CRMP1: variants seen among roughly 807,000 people sequenced by gnomAD.
CRMP1 encodes the protein collapsin response mediator protein 1.
In CRMP1, 19 loss-of-function variants were observed where a neutral mutation model predicts 68.3. The observed-to-expected ratio is 0.28, with a 90% confidence interval of 0.19 to 0.41. The LOEUF is 0.41. Ranked by LOEUF, CRMP1 falls within the 10% of genes least tolerant of loss-of-function variation. The pLI, the probability that CRMP1 is intolerant of heterozygous loss-of-function variation, is 1.00. For missense variants in CRMP1, 791 were observed against 967.4 expected (o/e 0.82, Z 2.42); for synonymous variants, 439 against 399.6 (o/e 1.10, Z -1.18).
At chr4:5,832,301 C>T (rs184948615) in intron 11 of CRMP1, among the ~76,000 whole-genome samples, 75 of 152,256 alleles carry the variant, frequency 4.9e-4, no homozygotes, top group African/African-American at 1.6e-3. Flanking sequence ...TTCAAAATGG[C>T]AACACTTATG....
rs1715904087 is a variant in CRMP1, at chr4:5,890,728, G to GC, written c.381+1860dup. ...AGGAACGGGAGAGGTGAAGCGACCA[G>GC]CGTCCCCAAGGGTCAGGGCGCAGCT... On this transcript the variant is annotated intron_variant, in intron 1 of 13. Coordinates refer to ENST00000324989, the MANE Select transcript of CRMP1 (RefSeq NM_001014809.3). This position sits in a 1 kb window ranked among gnomAD's most constrained non-coding sequence, Gnocchi z 5.5. Among the ~76,000 whole-genome samples, 1 of 152,156 alleles carries GC rather than the reference G, an allele frequency of 6.6e-6. No homozygotes were observed. Among genetic ancestry groups the GC allele is most frequent in the South Asian group, 2.1e-4 (1 of 4,830 alleles).
rs113231255 is a variant in CRMP1, at chr4:5,879,855, CAAA to C, written c.381+12731_381+12733del. Among the ~76,000 whole-genome samples, 1 of 136,120 alleles carries C rather than the reference CAAA, an allele frequency of 7.3e-6. No individual in the cohort carries two copies. Among genetic ancestry groups the C allele is most frequent in the African/African-American group, 2.6e-5 (1 of 37,854 alleles). 89.3% of individuals were successfully genotyped at this position (136,120 alleles called of 152,430 possible). On this transcript the variant is annotated intron_variant, in intron 1 of 13. Coordinates refer to ENST00000324989, the MANE Select transcript of CRMP1 (RefSeq NM_001014809.3). This position sits in a 1 kb window ranked among gnomAD's most constrained non-coding sequence, Gnocchi z 4.2. ...CTGCATGTTCAGAAATAAAATATAG[CAAA>C]AAAAAAAATGAGACGAAAGGAAAGG...
chr4:5,821,804 C>A lies in CRMP1; in HGVS notation c.2017G>T (p.Val673Leu). Residue 673 changes from valine to leucine, a missense_variant, in exon 14 of 14, where the codon GTG (valine) becomes TTG (leucine). Physicochemically the swap from Val to Leu is conservative, Grantham distance 32. Around this residue, in one of 3 missense-constraint regions of CRMP1, gnomAD observed 594 missense variants for 763.6 expected, o/e 0.78. Coordinates refer to ENST00000324989, the MANE Select transcript of CRMP1 (RefSeq NM_001014809.3). The surrounding 1 kb of genome is among the most constrained non-coding windows in gnomAD (Gnocchi z 4.4). ...NNPRRTGHRI[V>L]APPGGRSNIT... ...TTGGAGCGGCCACCAGGGGGCGCCA[C>A]GATGCGGTGGCCGGTGCGCCTGGGA... 1 of 1,611,598 alleles carries A rather than the reference C, an allele frequency of 6.2e-7. No homozygotes were observed. Among genetic ancestry groups the A allele is most frequent in the Non-Finnish European group, 8.5e-7 (1 of 1,179,234 alleles).
chr4:5,835,955 G>T lies in CRMP1; in HGVS notation c.1583C>A (p.Pro528His). Residue 528 changes from proline to histidine, a missense_variant, in exon 11 of 14, where the codon CCC becomes CAC. Coordinates refer to ENST00000324989, the MANE Select transcript of CRMP1 (RefSeq NM_001014809.3). Reference sequence around the variant, plus strand: ...GGCTGTTATGGTCTTCAACTTGTCGGGGTCCCAGATGACCACGTCGGCATC... The same window carrying T: ...GGCTGTTATGGTCTTCAACTTGTCGTGGTCCCAGATGACCACGTCGGCATC... The part of the protein sequence containing the change: ...GSDADVVIWD[P>H]DKLKTITAKS... The T allele has an allele frequency of 6.3e-7, 1 of 1,585,450 alleles. No homozygotes were observed. The highest frequency in any genetic ancestry group is 1.2e-5 in the South Asian group (1 of 85,290).
In CRMP1 at chr4:5,825,536, G is replaced by A. The variant is rs1309653303; in HGVS notation, c.1927C>T (p.Pro643Ser). 1.9e-6 allele frequency: 3 copies of A among 1,589,120 alleles called. 1 individual carries two copies. In the Admixed American group the frequency reaches 5.6e-5, roughly 30 times the overall value. Residue 643 changes from proline (P) to serine (S), a missense_variant, in exon 13 of 14, where the codon CCA (proline) becomes TCA (serine). Pro to Ser is a moderately conservative substitution (Grantham distance 74). Coordinates refer to ENST00000324989, the MANE Select transcript of CRMP1 (RefSeq NM_001014809.3). This position sits in a 1 kb window ranked among gnomAD's most constrained non-coding sequence, Gnocchi z 4.4. ...AKSSPSKHQP[P>S]PIRNLHQSNF... ...GACTGGTGGAGGTTTCTGATGGGTGGGGGCTGGTGTTTAGAAGGCGAAGAT... is the reference window on the plus strand; with the variant it reads ...GACTGGTGGAGGTTTCTGATGGGTGAGGGCTGGTGTTTAGAAGGCGAAGAT...
intron 5 of CRMP1, 88 bp downstream of exon 5, chr4:5,851,320 A>G (rs1036682722): frequency 1.0e-5 from 12 of 1,192,234 alleles, no homozygotes; most frequent in African/African-American, 3.0e-5. Context: ...GCTTCTCACA[A>G]TCTCCCTTGC....
chr4:5,833,066 C>T (rs1720486439), intron 11 of CRMP1, among the ~76,000 whole-genome samples: 1 of 152,002 alleles, frequency 6.6e-6, no homozygotes, highest in African/African-American at 2.4e-5. Flanking sequence ...ACGTCAGACG[C>T]TAGAAGAGTG....
chr4:5,892,160 T>C lies in CRMP1; in HGVS notation c.381+429A>G, dbSNP rs1209965010. Among the ~76,000 whole-genome samples the C allele has an allele frequency of 6.6e-6, 1 of 151,784 alleles. No individual in the cohort carries two copies. The highest frequency in any genetic ancestry group is 1.5e-5 in the Non-Finnish European group (1 of 67,962). ...CGGCACACAGTAGGTGCTCTATAAT[T>C]ACTACCGACTGAGTGGATGGATGAA... On this transcript the variant is annotated intron_variant, in intron 1 of 13. Transcript: ENST00000324989. This position sits in a 1 kb window ranked among gnomAD's most constrained non-coding sequence, Gnocchi z 8.6.
intron 13 of CRMP1, among the ~76,000 whole-genome samples, chr4:5,822,183 A>C (rs1432374579): frequency 6.6e-6 from 1 of 152,210 alleles, no homozygotes; most frequent in Non-Finnish European, 1.5e-5. Flanking sequence ...GTGCTTTAAC[A>C]TGTTACTGCA....
chr4:5,825,942 G>A lies in CRMP1; in HGVS notation c.1804-283C>T. On this transcript the variant is annotated intron_variant, in intron 12 of 13. Coordinates refer to ENST00000324989, the MANE Select transcript of CRMP1 (RefSeq NM_001014809.3). This position sits in a 1 kb window ranked among gnomAD's most constrained non-coding sequence, Gnocchi z 4.4. ...CACGCACTCACATACATGCAGTCAT[G>A]CACACATATATGCATGCACATGCAG... The A allele has an allele frequency of 2.1e-6, 1 of 473,164 alleles. No individual in the cohort carries two copies. Among genetic ancestry groups the A allele is most frequent in the East Asian group, 4.2e-5 (1 of 23,862 alleles). 29.3% of individuals were successfully genotyped at this position (473,164 alleles called of 1,614,324 possible).
In CRMP1 at chr4:5,889,487, A is replaced by T; in HGVS notation, c.381+3102T>A. Reference sequence around the variant, plus strand: ...TTGCTCCAGAGGGAGGTGGGCAGGAAGCCAGGTCACAGCTTGACAAGGTCC... The same window carrying T: ...TTGCTCCAGAGGGAGGTGGGCAGGATGCCAGGTCACAGCTTGACAAGGTCC... On this transcript the variant is annotated intron_variant, in intron 1 of 13. Transcript: ENST00000324989. This position sits in a 1 kb window ranked among gnomAD's most constrained non-coding sequence, Gnocchi z 4.5. 1.4e-6 allele frequency: 2 copies of T among 1,390,364 alleles called. No homozygotes were observed. Among genetic ancestry groups the T allele is most frequent in the Non-Finnish European group, 2.0e-6 (2 of 1,019,974 alleles). 86.1% of individuals were successfully genotyped at this position (1,390,364 alleles called of 1,614,324 possible).
chr4:5,853,589 G>A lies in CRMP1; in HGVS notation c.821-2120C>T, dbSNP rs545494199. On this transcript the variant is annotated intron_variant, in intron 4 of 13. Coordinates refer to ENST00000324989, the MANE Select transcript of CRMP1 (RefSeq NM_001014809.3). The surrounding 1 kb of genome is among the most constrained non-coding windows in gnomAD (Gnocchi z 4.7). ...CATATGCTTCAGCAGTCCCACTACC[G>A]GCTGAAAATCCAAAGGAATTGAAAT... Among the ~76,000 whole-genome samples, 17 of 152,266 alleles carry A rather than the reference G, an allele frequency of 1.1e-4. No individual in the cohort carries two copies. The highest frequency in any genetic ancestry group is 8.3e-4 in the South Asian group (4 of 4,824).
chr4:5,832,006 A>T (rs1720414615), intron 11 of CRMP1, among the ~76,000 whole-genome samples: 1 of 152,238 alleles, frequency 6.6e-6, no homozygotes, highest in Admixed American at 6.5e-5. Flanking sequence ...TCAAAGGAAC[A>T]TGGTACCCAT....
At chr4:5,844,762 G>A (rs563054868) in intron 6 of CRMP1, among the ~76,000 whole-genome samples, 3 of 152,304 alleles carry the variant, frequency 2.0e-5, no homozygotes, top group Admixed American at 1.3e-4. Flanking sequence ...TGGTGCAGGG[G>A]TGCGTGCACG....
rs1031653539 is a variant in CRMP1 at position 5,877,357 on chromosome 4, A to G, written c.382-10601T>C. Reference sequence around the variant, plus strand: ...CTGGGAGCCACAGGGGTTGCTGCATAAGAGGTTTTATAGCTCAAATACGTC... The same window carrying G: ...CTGGGAGCCACAGGGGTTGCTGCATGAGAGGTTTTATAGCTCAAATACGTC... On this transcript the variant is annotated intron_variant, in intron 1 of 13. Transcript: ENST00000324989. This position sits in a 1 kb window ranked among gnomAD's most constrained non-coding sequence, Gnocchi z 4.3. Among the ~76,000 whole-genome samples, 2 of 152,224 alleles carry G rather than the reference A, an allele frequency of 1.3e-5. No individual in the cohort carries two copies. The highest frequency in any genetic ancestry group is 4.8e-5 in the African/African-American group (2 of 41,460).
chr4:5,824,270 T>C, intron 13 of CRMP1: 14 of 984,926 alleles, frequency 1.4e-5, no homozygotes, highest in Non-Finnish European at 1.7e-5. Context: ...CCTGGTTTGC[T>C]GATTGAGCAT....
At chr4:5,822,962 C>A (rs115067921) in intron 13 of CRMP1, among the ~76,000 whole-genome samples, 1,899 of 152,332 alleles carry the variant, frequency 0.012, 30 homozygotes, top group Middle Eastern at 0.024. Context: ...CGGCTCCTTT[C>A]TTGCTGACCT....
Position 5,888,315 on chromosome 4 carries a change from G to T in CRMP1, c.381+4274C>A. ...CGGCCGCTGACCTGCGGGGCTGTCT[G>T]ACTGGAACCGGCGCTCTCGGCCCCG... On this transcript the variant is annotated intron_variant, in intron 1 of 13. Transcript: ENST00000324989. This position sits in a 1 kb window ranked among gnomAD's most constrained non-coding sequence, Gnocchi z 6.4. 8.0e-7 allele frequency: 1 copy of T among 1,246,714 alleles called. No homozygotes were observed. The highest frequency in any genetic ancestry group is 1.0e-6 in the Non-Finnish European group (1 of 990,050). The allele number at this position is 1,246,714 out of a possible 1,614,324, so 77.2% of individuals were successfully genotyped here.
chr4:5,887,628 G>A (rs905162177), intron 1 of CRMP1: 4 of 984,962 alleles, frequency 4.1e-6, no homozygotes, highest in Middle Eastern at 5.2e-4. Flanking sequence ...AACCCTTCCC[G>A]GGCCGCAGCC....
Sources: allele counts gnomAD v4.1 joint callset (sites outside exome capture counted in the v4.1 genomes callset), GRCh38; gene constraint gnomAD v4.1.1; regional missense constraint gnomAD v4.1.1; non-coding constraint Gnocchi (gnomAD v3.1); transcripts MANE v1.5; gene names NCBI Gene and HGNC (gene_info 2026-07-23, HGNC 2026-07-21).